Variants in ZC3H18 observed in about 807,000 individuals in gnomAD.
ZC3H18 encodes the protein zinc finger CCCH-type containing 18, also known as zinc finger CCCH domain-containing protein 18.
Under a neutral mutation model 106.1 loss-of-function variants are expected in ZC3H18, and 8 were observed. That is an observed-to-expected ratio of 0.08 (90% CI 0.04 to 0.14). The LOEUF is 0.14. Ranked by LOEUF, ZC3H18 falls within the 10% of genes least tolerant of loss-of-function variation. ZC3H18 has a pLI of 1.00. For synonymous variants in ZC3H18, 635 were observed against 522.1 expected (o/e 1.22, Z -2.95); for missense variants, 1,318 against 1,278.4 (o/e 1.03, Z -0.47).
Position 88,621,230 on chromosome 16 carries a change from T to A in ZC3H18, c.1476-967T>A, listed in dbSNP as rs561516185. Among the ~76,000 whole-genome samples the A allele has an allele frequency of 1.8e-4, 17 of 97,080 alleles. No homozygotes were observed. In the South Asian group the frequency reaches 3.0e-3, roughly 17 times the overall value. 63.7% of individuals were successfully genotyped at this position (97,080 alleles called of 152,430 possible). A position where few individuals can be genotyped will look rare whatever the true frequency, so the allele number is the denominator to read the frequency against. On this transcript the variant is annotated intron_variant, in intron 8 of 17. Coordinates refer to ENST00000301011, the MANE Select transcript of ZC3H18 (RefSeq NM_144604.4). ...CAACTAATTTTTGTTTTTGTTTTTA[T>A]TTTTTTTTTTTTGAGACAGAGTCTC...
At chr16:88,576,562 G>A (rs1383378037) in intron 1 of ZC3H18, among the ~76,000 whole-genome samples, 1 of 152,114 alleles carries the variant, frequency 6.6e-6, no homozygotes, top group Non-Finnish European at 1.5e-5. Flanking sequence ...GGGATTCTCG[G>A]AGGCCCTCAG....
intron 8 of ZC3H18, among the ~76,000 whole-genome samples, chr16:88,620,931 T>C (rs984794202): frequency 6.6e-6 from 1 of 152,254 alleles, no homozygotes; most frequent in African/African-American, 2.4e-5. Flanking sequence ...AGTGGCGCAG[T>C]CTCAGCTCAC....
intron 6 of ZC3H18, among the ~76,000 whole-genome samples, chr16:88,606,325 G>A (rs768381032): frequency 6.6e-6 from 1 of 152,246 alleles, no homozygotes; most frequent in Non-Finnish European, 1.5e-5. Context: ...GTGTTGACAC[G>A]TTCTCTAGAA....
At chr16:88,623,839 T>C in intron 10 of ZC3H18, 119 bp from the exon 11 acceptor site, 4 of 1,456,290 alleles carry the variant, frequency 2.7e-6, no homozygotes, top group African/African-American at 1.4e-5. Flanking sequence ...AAGTTAAAAC[T>C]GAGGCACATA....
At chr16:88,580,374 C>G (rs1411452816) in intron 2 of ZC3H18, among the ~76,000 whole-genome samples, 2 of 152,058 alleles carry the variant, frequency 1.3e-5, no homozygotes, top group East Asian at 3.9e-4. Flanking sequence ...AGGTGAGAAC[C>G]TTTGTAATGT....
chr16:88,580,497 C>T (rs886252668), intron 2 of ZC3H18, among the ~76,000 whole-genome samples: 6 of 152,156 alleles, frequency 3.9e-5, no homozygotes, highest in Admixed American at 1.3e-4. Flanking sequence ...CAGAGGTACG[C>T]GCCACGCCAT....
intron 7 of ZC3H18, among the ~76,000 whole-genome samples, chr16:88,610,322 C>T (rs1292526005): frequency 6.6e-6 from 1 of 152,182 alleles, no homozygotes; most frequent in Admixed American, 6.5e-5. Context: ...GTGCGGCTGT[C>T]TCCTCAGGAG....
intron 8 of ZC3H18, among the ~76,000 whole-genome samples, chr16:88,619,533 G>A (rs192945834): frequency 4.7e-4 from 72 of 152,270 alleles, no homozygotes; most frequent in Middle Eastern, 3.4e-3. Context: ...CCTGCCTCTG[G>A]CCATCTTCAT....
chr16:88,608,773 G>A, intron 6 of ZC3H18, 161 bp from the exon 7 acceptor site: 1 of 568,196 alleles, frequency 1.8e-6, no homozygotes, highest in Non-Finnish European at 3.2e-6. Flanking sequence ...GCTCTTAGAT[G>A]TAGTTTGTGA....
At chr16:88,601,385 A>C (rs1904743516) in intron 6 of ZC3H18, among the ~76,000 whole-genome samples, 1 of 152,044 alleles carries the variant, frequency 6.6e-6, no homozygotes, top group South Asian at 2.1e-4. Context: ...GGTCTCTATA[A>C]ATATGTGTGG....
intron 3 of ZC3H18, among the ~76,000 whole-genome samples, chr16:88,595,368 T>G (rs1218008232): frequency 6.6e-6 from 1 of 152,222 alleles, no homozygotes; most frequent in Non-Finnish European, 1.5e-5. Flanking sequence ...AGAACTATCT[T>G]TATACTGTTA....
Position 88,608,991 on chromosome 16 carries a change from C to A in ZC3H18, c.1146C>A (p.Gly382=). Residue 382 remains glycine, a synonymous_variant, in exon 7 of 18, where the codon GGC becomes GGA. Coordinates refer to ENST00000301011, the MANE Select transcript of ZC3H18 (RefSeq NM_144604.4). The part of the protein sequence containing the change: ...YDYEIERFWR[G]GQYENFRVQY... ...ATGAAATTGAGCGGTTTTGGCGTGGCGGACAGTATGAGAATTTCAGGGTGC... is the reference window on the plus strand; with the variant it reads ...ATGAAATTGAGCGGTTTTGGCGTGGAGGACAGTATGAGAATTTCAGGGTGC... 6.2e-7 allele frequency: 1 copy of A among 1,613,684 alleles called. No homozygotes were observed. Among genetic ancestry groups the A allele is most frequent in the South Asian group, 1.1e-5 (1 of 91,048 alleles).
chr16:88,622,452 A>T (rs2142805385), intron 9 of ZC3H18, 64 bp downstream of exon 9: 1 of 1,490,744 alleles, frequency 6.7e-7, no homozygotes, highest in East Asian at 2.5e-5. Flanking sequence ...GACACCATGT[A>T]CCTCACTGGG....
chr16:88,589,968 AT>A (rs1156889220), intron 3 of ZC3H18, among the ~76,000 whole-genome samples: 1 of 152,264 alleles, frequency 6.6e-6, no homozygotes, highest in Non-Finnish European at 1.5e-5. Context: ...TTGTGTCACA[AT>A]TAGAAAATTC....
chr16:88,625,475 C>G (rs1354178836), intron 13 of ZC3H18: 2 of 613,588 alleles, frequency 3.3e-6, no homozygotes, highest in Non-Finnish European at 2.8e-6. Context: ...CCCCCTCCCC[C>G]CACCAAAAAA....
At chr16:88,629,006 T>C (rs1399292084) in intron 16 of ZC3H18, 152 bp downstream of exon 16, 3 of 709,062 alleles carry the variant, frequency 4.2e-6, no homozygotes, top group Non-Finnish European at 7.1e-6. Flanking sequence ...ATTTAGGGTG[T>C]TGAAAACTAA....
chr16:88,579,604 C>A (rs1914985691), intron 2 of ZC3H18, among the ~76,000 whole-genome samples: 2 of 152,186 alleles, frequency 1.3e-5, no homozygotes, highest in Non-Finnish European at 2.9e-5. Flanking sequence ...TGCCAAGGGC[C>A]TGGACATGCT....
At chr16:88,596,963 C>G (rs11644924) in intron 3 of ZC3H18, among the ~76,000 whole-genome samples, 38,628 of 152,152 alleles carry the variant, frequency 0.25, 5,399 homozygotes, top group East Asian at 0.37. Flanking sequence ...CTCTGTTGCC[C>G]AGGCTGGAGT....
At chr16:88,626,782 C>G (rs985324871) in intron 13 of ZC3H18, 1 of 152,224 alleles carries the variant, frequency 6.6e-6, no homozygotes, top group Non-Finnish European at 1.5e-5. Flanking sequence ...GGTGTTTTCT[C>G]GAGCAGCATA....
Sources: gnomAD v4.1 joint callset for allele counts (sites outside exome capture counted in the v4.1 genomes callset) on GRCh38, gnomAD v4.1.1 for gene constraint, MANE v1.5 for transcripts, NCBI Gene and HGNC (gene_info 2026-07-23, HGNC 2026-07-21) for gene names.